RBM19: variants seen among roughly 807,000 people sequenced by gnomAD.
The protein encoded by RBM19 is RNA binding motif protein 19.
In RBM19, 94 loss-of-function variants were observed where a neutral mutation model predicts 116.8. That is an observed-to-expected ratio of 0.80 (90% CI 0.68 to 0.95). RBM19 has a LOEUF of 0.95. Ranked by LOEUF, RBM19 falls within the 40% of genes least tolerant of loss-of-function variation. The probability of loss-of-function intolerance (pLI) is 0.00; values close to 1 mark genes in which losing one functional copy is unlikely to be tolerated. For missense variants in RBM19, 1,161 were observed against 1,220.7 expected, an observed-to-expected ratio of 0.95 and a Z score of 0.73; for synonymous variants, 475 against 494.1, an observed-to-expected ratio of 0.96 and a Z score of 0.51.
At chr12:113,857,343 T>C (rs1460769803) in intron 22 of RBM19, among the ~76,000 whole-genome samples, 1 of 152,210 alleles carries the variant, frequency 6.6e-6, no homozygotes, top group Non-Finnish European at 1.5e-5. Flanking sequence ...ACCGAGTCAG[T>C]GTCTCCCATG....
At chr12:113,851,820 C>T (rs1034338891) in intron 22 of RBM19, among the ~76,000 whole-genome samples, 2 of 150,452 alleles carry the variant, frequency 1.3e-5, no homozygotes, top group South Asian at 2.1e-4. Flanking sequence ...GAAGCCGAGG[C>T]GGTGGGAATC....
chr12:113,923,454 A>G (rs933308318), intron 18 of RBM19, among the ~76,000 whole-genome samples: 6 of 152,314 alleles, frequency 3.9e-5, no homozygotes, highest in Admixed American at 3.9e-4. Flanking sequence ...GCAGCCCGGC[A>G]AACGAATACA....
At chr12:113,886,073 A>G (rs1290292780) in intron 21 of RBM19, among the ~76,000 whole-genome samples, 1 of 151,644 alleles carries the variant, frequency 6.6e-6, no homozygotes, top group East Asian at 1.9e-4. Context: ...GGGTTTCACC[A>G]TGTTAGCCAG....
chr12:113,928,417 TACACACACACACACAC>T (rs3066401), intron 16 of RBM19, among the ~76,000 whole-genome samples: 1 of 136,342 alleles, frequency 7.3e-6, no homozygotes, highest in Non-Finnish European at 1.6e-5. Flanking sequence ...TACATGTGCA[TACACACACACACACAC>T]ACACACACAC....
intron 1 of RBM19, 150 bp from the exon 2 acceptor site, chr12:113,962,564 C>T: frequency 4.1e-6 from 3 of 733,790 alleles, no homozygotes; most frequent in Non-Finnish European, 6.6e-6. Context: ...CAACAGGTTC[C>T]AGCTCTGACT....
intron 21 of RBM19, among the ~76,000 whole-genome samples, chr12:113,875,162 G>A (rs1879572540): frequency 6.6e-6 from 1 of 152,256 alleles, no homozygotes; most frequent in Admixed American, 6.5e-5. Context: ...GCACGGGAGC[G>A]AGTGATTCAT....
At position 113,822,398 on chromosome 12, in the gene RBM19, A is replaced by G. The variant is rs1459829222; in HGVS notation, c.*826T>C. On this transcript the variant is annotated 3_prime_UTR_variant, in exon 24 of 24. Coordinates refer to ENST00000261741, the MANE Select transcript of RBM19 (RefSeq NM_016196.4). Reference sequence around the variant, plus strand: ...CTGCTGGCCAGCGGAGAGGACCTTGATGCATTTCACAGGGCTCTGGGCCCG... The same window carrying G: ...CTGCTGGCCAGCGGAGAGGACCTTGGTGCATTTCACAGGGCTCTGGGCCCG... The G allele has an allele frequency of 1.3e-5, 2 of 152,108 alleles. No homozygotes were observed. Among genetic ancestry groups the G allele is most frequent in the Non-Finnish European group, 2.9e-5 (2 of 68,016 alleles). The allele number at this position is 152,108 out of a possible 1,614,324, so 9.4% of individuals were successfully genotyped here. A position where few individuals can be genotyped will look rare whatever the true frequency, so the allele number is the denominator to read the frequency against.
At chr12:113,885,865 G>A (rs895773740) in intron 21 of RBM19, among the ~76,000 whole-genome samples, 4 of 140,972 alleles carry the variant, frequency 2.8e-5, no homozygotes, top group Admixed American at 2.2e-4. Context: ...TCTCAGCTTT[G>A]CCTTTTTTTT....
intron 21 of RBM19, among the ~76,000 whole-genome samples, chr12:113,897,096 G>A (rs574460618): frequency 2.6e-5 from 4 of 152,202 alleles, no homozygotes; most frequent in Admixed American, 6.5e-5. Flanking sequence ...TTACTTTACT[G>A]AGCCCTCCCA....
intron 21 of RBM19, among the ~76,000 whole-genome samples, chr12:113,902,423 C>T (rs1368537154): frequency 1.3e-5 from 2 of 151,968 alleles, no homozygotes; most frequent in African/African-American, 2.4e-5. Flanking sequence ...ACATAGCAAG[C>T]CCTGTCTCTA....
intron 20 of RBM19, among the ~76,000 whole-genome samples, chr12:113,916,200 A>G (rs763235093): frequency 1.3e-5 from 2 of 152,172 alleles, no homozygotes; most frequent in Non-Finnish European, 2.9e-5. Context: ...TGAGGTCAGG[A>G]GTTCAAGACC....
rs772362510 is a variant in RBM19, at chr12:113,918,464, C to A, written c.2386-17G>T. On this transcript the variant is annotated splice_polypyrimidine_tract_variant and intron_variant, in intron 19 of 23. Coordinates refer to ENST00000261741, the MANE Select transcript of RBM19 (RefSeq NM_016196.4). ...GACGTGACCCTAAGAGAGAAGACAA[C>A]ATGGCTCATCTCTCTGTCCCGAGAA... The A allele has an allele frequency of 3.1e-6, 5 of 1,613,450 alleles. No homozygotes were observed. Among genetic ancestry groups the A allele is most frequent in the Non-Finnish European group, 4.2e-6 (5 of 1,179,378 alleles).
intron 21 of RBM19, among the ~76,000 whole-genome samples, chr12:113,871,074 GA>G (rs78292384): frequency 0.066 from 10,049 of 152,240 alleles, 646 homozygotes; most frequent in East Asian, 0.34. Context: ...GAGACTCAGG[GA>G]ACAAGAAGCT....
At chr12:113,914,267 C>T (rs1472017152) in intron 21 of RBM19, among the ~76,000 whole-genome samples, 1 of 152,252 alleles carries the variant, frequency 6.6e-6, no homozygotes, top group East Asian at 1.9e-4. Context: ...CAGAGAGAGG[C>T]CCGCCTGCTG....
chr12:113,831,089 G>A (rs1275089823), intron 23 of RBM19, among the ~76,000 whole-genome samples: 2 of 152,206 alleles, frequency 1.3e-5, no homozygotes, highest in African/African-American at 4.8e-5. Context: ...TGGGAATGTG[G>A]AACCAGGCTG....
At chr12:113,959,174 G>A in intron 5 of RBM19, 38 bp downstream of exon 5, 2 of 1,581,498 alleles carry the variant, frequency 1.3e-6, no homozygotes, top group South Asian at 1.1e-5. Flanking sequence ...GCAAGCACAG[G>A]TCCGTGCGCA....
At chr12:113,927,542 G>T in intron 16 of RBM19, 3 of 228,084 alleles carry the variant, frequency 1.3e-5, no homozygotes, top group Non-Finnish European at 1.7e-5. Context: ...CATGTGAACT[G>T]TTTTACTGAA....
At chr12:113,948,204 CG>C (rs1372996949) in intron 10 of RBM19, among the ~76,000 whole-genome samples, 2 of 152,308 alleles carry the variant, frequency 1.3e-5, no homozygotes, top group East Asian at 3.9e-4. Context: ...GGAGACACTG[CG>C]GGGATCTCAA....
At chr12:113,844,916 T>C in intron 22 of RBM19, 128 bp from the exon 23 acceptor site, 1 of 1,321,510 alleles carries the variant, frequency 7.6e-7, no homozygotes, top group Non-Finnish European at 1.0e-6. Context: ...TGACATCTGA[T>C]CTCCAGCGAG....
Sources: allele counts gnomAD v4.1 joint callset (sites outside exome capture counted in the v4.1 genomes callset), GRCh38; gene constraint gnomAD v4.1.1; transcripts MANE v1.5; gene names NCBI Gene and HGNC (gene_info 2026-07-23, HGNC 2026-07-21).